KCNIP4: variants seen among roughly 807,000 people sequenced by gnomAD.
KCNIP4 encodes the protein potassium voltage-gated channel interacting protein 4.
A neutral mutation model predicts 34.0 loss-of-function variants in KCNIP4; 12 were observed. The observed-to-expected ratio is 0.35, with a 90% CI of 0.23 to 0.57. KCNIP4 has a LOEUF of 0.57. Among genes scored for constraint, KCNIP4 ranks in the 20% least tolerant of loss-of-function variants. The probability of loss-of-function intolerance (pLI) is 0.83; values close to 1 mark genes in which losing one functional copy is unlikely to be tolerated. For synonymous variants in KCNIP4, 124 were observed against 102.2 expected, an observed-to-expected ratio of 1.21 and a Z score of -1.29; for missense variants, 238 against 311.7, an observed-to-expected ratio of 0.76 and a Z score of 1.78.
intron 3 of KCNIP4, among the ~76,000 whole-genome samples, chr4:20,786,856 T>C (rs1712068316): frequency 1.4e-5 from 2 of 139,370 alleles, no homozygotes; most frequent in Admixed American, 1.5e-4. Context: ...TCTTTATCAA[T>C]GATATAGCCT....
In KCNIP4 at chr4:21,036,349, C is replaced by T. The variant is rs191736955; in HGVS notation, c.62-153640G>A. ...ATCCCTTAATTTATTACATTTTATG[C>T]TAAGCACAGGCAAGGGATATGGAAT... On this transcript the variant is annotated intron_variant, in intron 1 of 8. Coordinates refer to ENST00000382152, the MANE Select transcript of KCNIP4 (RefSeq NM_025221.6). 3.6e-4 allele frequency among the ~76,000 whole-genome samples: 55 copies of T among 152,238 alleles called. No homozygotes were observed. In the East Asian group the frequency reaches 9.5e-3, roughly 26 times the overall value.
chr4:21,924,606 C>G (rs79737037), intron 1 of KCNIP4, among the ~76,000 whole-genome samples: 3,526 of 152,186 alleles, frequency 0.023, 54 homozygotes, highest in Non-Finnish European at 0.034. Context: ...TAACAACAAA[C>G]AAAAAGCTTT....
chr4:20,933,753 AAAG>A (rs1730743644), intron 1 of KCNIP4, among the ~76,000 whole-genome samples: 1 of 151,820 alleles, frequency 6.6e-6, no homozygotes, highest in African/African-American at 2.4e-5. Context: ...AAAAAAAAAA[AAAG>A]AAAGAAATTT....
At chr4:20,912,447 G>T (rs557240229) in intron 1 of KCNIP4, among the ~76,000 whole-genome samples, 1 of 152,162 alleles carries the variant, frequency 6.6e-6, no homozygotes, top group East Asian at 1.9e-4. Context: ...TGGGTGCAGT[G>T]GCTCACACCT....
intron 1 of KCNIP4, among the ~76,000 whole-genome samples, chr4:21,200,401 CATATATGTGTGT>C (rs57665509): frequency 0.02 from 1,080 of 54,316 alleles, 59 homozygotes; most frequent in African/African-American, 0.053. Context: ...TATATACATA[CATATATGTGTGT>C]ATATATATAC....
intron 1 of KCNIP4, among the ~76,000 whole-genome samples, chr4:21,918,602 G>A (rs1168495531): frequency 6.6e-6 from 1 of 152,100 alleles, no homozygotes; most frequent in African/African-American, 2.4e-5. Context: ...TGCCCACCAA[G>A]GTAGAAGAAT....
chr4:21,715,541 A>T (rs562158834), intron 1 of KCNIP4, among the ~76,000 whole-genome samples: 5 of 152,292 alleles, frequency 3.3e-5, no homozygotes, highest in African/African-American at 1.2e-4. Context: ...TGAACAAAAA[A>T]ATCCCTTCTA....
At chr4:20,775,973 A>T (rs1756337724) in intron 3 of KCNIP4, among the ~76,000 whole-genome samples, 1 of 152,158 alleles carries the variant, frequency 6.6e-6, no homozygotes, top group South Asian at 2.1e-4. Flanking sequence ...TTGCATATTT[A>T]TCTATTTAAT....
chr4:21,734,551 T>C (rs1449594652), intron 1 of KCNIP4, among the ~76,000 whole-genome samples: 2 of 152,176 alleles, frequency 1.3e-5, no homozygotes, highest in South Asian at 2.1e-4. Context: ...GCAAACTCTT[T>C]AATAATTTGA....
intron 1 of KCNIP4, among the ~76,000 whole-genome samples, chr4:21,598,872 T>C (rs1218959248): frequency 1.3e-5 from 2 of 152,092 alleles, no homozygotes; most frequent in Non-Finnish European, 2.9e-5. Flanking sequence ...GCAAATATCC[T>C]CCTAGCTGAT....
intron 1 of KCNIP4, among the ~76,000 whole-genome samples, chr4:21,479,775 A>G (rs1250312027): frequency 6.6e-6 from 1 of 152,012 alleles, no homozygotes; most frequent in Non-Finnish European, 1.5e-5. Flanking sequence ...TGCACAAAAT[A>G]AATAAAATTT....
At chr4:20,806,628 T>C (rs1715126526) in intron 3 of KCNIP4, among the ~76,000 whole-genome samples, 1 of 152,042 alleles carries the variant, frequency 6.6e-6, no homozygotes, top group Non-Finnish European at 1.5e-5. Context: ...GCAGTTTATA[T>C]AGGGTGGGTT....
At chr4:21,516,446 G>T (rs1427352373) in intron 1 of KCNIP4, among the ~76,000 whole-genome samples, 4 of 152,132 alleles carry the variant, frequency 2.6e-5, no homozygotes, top group Non-Finnish European at 5.9e-5. Flanking sequence ...AAGGACCTGG[G>T]GAGAAGTACA....
intron 1 of KCNIP4, among the ~76,000 whole-genome samples, chr4:21,311,203 G>A (rs1713119420): frequency 6.6e-6 from 1 of 152,002 alleles, no homozygotes; most frequent in Non-Finnish European, 1.5e-5. Flanking sequence ...ATCTTAATAT[G>A]TCCATATAAC....
chr4:21,243,404 T>C (rs1759990714), intron 1 of KCNIP4, among the ~76,000 whole-genome samples: 2 of 152,184 alleles, frequency 1.3e-5, no homozygotes, highest in Admixed American at 6.5e-5. Context: ...ATATCTTTGT[T>C]AATAATTATT....
chr4:21,076,440 G>C (rs1745492254), intron 1 of KCNIP4, among the ~76,000 whole-genome samples: 1 of 151,892 alleles, frequency 6.6e-6, no homozygotes, highest in Non-Finnish European at 1.5e-5. Context: ...TTCTAATTAT[G>C]TCATGGATAT....
At chr4:21,661,225 T>A (rs1748426882) in intron 1 of KCNIP4, among the ~76,000 whole-genome samples, 1 of 152,150 alleles carries the variant, frequency 6.6e-6, no homozygotes, top group Non-Finnish European at 1.5e-5. Flanking sequence ...AGCCACCTCC[T>A]TCACTCAATA....
intron 2 of KCNIP4, among the ~76,000 whole-genome samples, chr4:20,854,926 A>C (rs1182340816): frequency 2.0e-5 from 3 of 152,204 alleles, no homozygotes; most frequent in Non-Finnish European, 4.4e-5. Flanking sequence ...AAGATGTTTT[A>C]TGCAAAAAGG....
At chr4:21,504,504 AAAGGAAGG>A (rs1288325980) in intron 1 of KCNIP4, among the ~76,000 whole-genome samples, 5 of 133,576 alleles carry the variant, frequency 3.7e-5, no homozygotes, top group African/African-American at 1.4e-4. Context: ...AGAAAGAAAG[AAAGGAAGG>A]AAGGAAGAAA....
Sources: gnomAD v4.1 joint callset for allele counts (sites outside exome capture counted in the v4.1 genomes callset) on GRCh38, gnomAD v4.1.1 for gene constraint, MANE v1.5 for transcripts, NCBI Gene and HGNC (gene_info 2026-07-23, HGNC 2026-07-21) for gene names.